The following TBC1D8 variants were observed in gnomAD, a reference collection of about 807,000 sequenced individuals.
TBC1D8 encodes the protein TBC1 domain family member 8.
TBC1D8 carries 65 observed loss-of-function variants against 118.8 expected under a neutral mutation model. That is an observed-to-expected ratio of 0.55 (90% CI 0.45 to 0.67). TBC1D8 has a LOEUF of 0.67. Among genes scored for constraint, TBC1D8 ranks in the 30% least tolerant of loss-of-function variants. The pLI is 0.00. For missense variants in TBC1D8, 1,376 were observed against 1,471.2 expected (o/e 0.94, Z 1.06); for synonymous variants, 566 against 595.8 (o/e 0.95, Z 0.73).
At chr2:101,118,445 C>G (rs1052749512) in intron 1 of TBC1D8, among the ~76,000 whole-genome samples, 1 of 152,120 alleles carries the variant, frequency 6.6e-6, no homozygotes, top group Non-Finnish European at 1.5e-5. Flanking sequence ...GCCTGTAATC[C>G]CAGCACTTTG....
chr2:101,115,263 C>T (rs1479247859), intron 1 of TBC1D8, among the ~76,000 whole-genome samples: 3 of 152,104 alleles, frequency 2.0e-5, no homozygotes, highest in Admixed American at 6.6e-5. Context: ...GAAGAACAGA[C>T]GTGGAGCCAG....
intron 1 of TBC1D8, among the ~76,000 whole-genome samples, chr2:101,096,928 T>C (rs2105464918): frequency 6.6e-6 from 1 of 152,106 alleles, no homozygotes; most frequent in East Asian, 1.9e-4. Context: ...GAAGCGATAA[T>C]GGTCAGGGAT....
At position 101,110,073 on chromosome 2, in the gene TBC1D8, T is replaced by G. The variant is rs528506047; in HGVS notation, c.128-19709A>C. ...AGGCTCTTAGAATAACAACTCTGGC[T>G]GAGATAGATGTCAAGTGACAAGTTT... On this transcript the variant is annotated intron_variant, in intron 1 of 19. Coordinates refer to ENST00000409318, the MANE Select transcript of TBC1D8 (RefSeq NM_001330348.2). The G allele has an allele frequency of 1.6e-5, 15 of 948,712 alleles. No individual in the cohort carries two copies. In the East Asian group the frequency reaches 1.7e-3, roughly 110 times the overall value. 58.8% of individuals were successfully genotyped at this position (948,712 alleles called of 1,614,324 possible).
chr2:101,070,715 C>A (rs1485478643), intron 2 of TBC1D8, among the ~76,000 whole-genome samples: 2 of 152,068 alleles, frequency 1.3e-5, no homozygotes, highest in African/African-American at 2.4e-5. Flanking sequence ...GCCCAGCCAA[C>A]AAATCTGATT....
chr2:101,090,151 G>A (rs897779208), intron 2 of TBC1D8, 58 bp downstream of exon 2: 1 of 1,548,596 alleles, frequency 6.5e-7, no homozygotes, highest in Admixed American at 2.0e-5. Context: ...CCAACATGCA[G>A]ATACTCAGCA....
chr2:101,035,939 C>T, intron 9 of TBC1D8, 79 bp downstream of exon 9: 1 of 1,517,638 alleles, frequency 6.6e-7, no homozygotes, highest in East Asian at 2.3e-5. Context: ...CACATAAACA[C>T]ACGCGCTGCT....
chr2:101,127,556 G>T (rs1678406809), intron 1 of TBC1D8, among the ~76,000 whole-genome samples: 1 of 151,930 alleles, frequency 6.6e-6, no homozygotes, highest in African/African-American at 2.4e-5. Flanking sequence ...CACTTTTTTT[G>T]AGACAGGGTA....
intron 1 of TBC1D8, among the ~76,000 whole-genome samples, chr2:101,150,502 G>T (rs1679509653): frequency 6.6e-6 from 1 of 152,148 alleles, no homozygotes; most frequent in South Asian, 2.1e-4. Flanking sequence ...TACGAGCCTG[G>T]GTTTTTTTTC....
intron 17 of TBC1D8, among the ~76,000 whole-genome samples, chr2:101,020,020 C>T (rs1189821631): frequency 6.6e-6 from 1 of 151,032 alleles, no homozygotes; most frequent in East Asian, 1.9e-4. Flanking sequence ...TTGCAGTGAG[C>T]CGAGATTGCG....
At chr2:101,024,106 A>C (rs1414171553) in intron 15 of TBC1D8, 1 of 152,300 alleles carries the variant, frequency 6.6e-6, no homozygotes, top group Non-Finnish European at 1.5e-5. Context: ...ATGCAGAAGA[A>C]AATGGTTGTA....
intron 1 of TBC1D8, among the ~76,000 whole-genome samples, chr2:101,119,227 T>C (rs1292485585): frequency 6.6e-6 from 1 of 152,166 alleles, no homozygotes; most frequent in Non-Finnish European, 1.5e-5. Flanking sequence ...TGCCAGTAGC[T>C]ATTCCACATA....
chr2:101,143,208 G>A (rs1214224102), intron 1 of TBC1D8, among the ~76,000 whole-genome samples: 2 of 151,500 alleles, frequency 1.3e-5, no homozygotes, highest in African/African-American at 4.9e-5. Flanking sequence ...GATTACAGGT[G>A]CCCGCCACCA....
At chr2:101,118,678 C>T (rs1677958795) in intron 1 of TBC1D8, among the ~76,000 whole-genome samples, 1 of 119,740 alleles carries the variant, frequency 8.4e-6, no homozygotes, top group African/African-American at 3.3e-5. Flanking sequence ...GTCTGGGCGA[C>T]AGAATGAAAC....
At chr2:101,056,666 G>C (rs564893900) in intron 3 of TBC1D8, among the ~76,000 whole-genome samples, 2 of 152,048 alleles carry the variant, frequency 1.3e-5, no homozygotes, top group Non-Finnish European at 2.9e-5. Context: ...AATATATAAT[G>C]AGTGCTGAGC....
intron 15 of TBC1D8, 39 bp from the exon 16 acceptor site, chr2:101,022,560 T>C (rs754543352): frequency 2.5e-5 from 40 of 1,572,608 alleles, no homozygotes; most frequent in South Asian, 1.8e-4. Context: ...TTACCACTTA[T>C]TGAACAAGCC....
intron 17 of TBC1D8, among the ~76,000 whole-genome samples, chr2:101,015,132 C>T (rs1679523893): frequency 6.6e-6 from 1 of 152,170 alleles, no homozygotes; most frequent in African/African-American, 2.4e-5. Flanking sequence ...AGGCTACAAA[C>T]CTGTACAGCA....
chr2:101,122,232 C>T lies in TBC1D8; in HGVS notation c.127+28895G>A, dbSNP rs559577123. 1.2e-3 allele frequency among the ~76,000 whole-genome samples: 175 copies of T among 151,166 alleles called. 1 individual carries two copies. The highest frequency in any genetic ancestry group is 4.1e-3 in the African/African-American group (169 of 41,384). On this transcript the variant is annotated intron_variant, in intron 1 of 19. Transcript: ENST00000409318. ...GACTACAGGTGTGCGCCACCATACC[C>T]AGCTAATTTTTGTATTTTTTAGTAG...
At chr2:101,079,494 C>A (rs1675104750) in intron 2 of TBC1D8, among the ~76,000 whole-genome samples, 1 of 152,080 alleles carries the variant, frequency 6.6e-6, no homozygotes, top group African/African-American at 2.4e-5. Flanking sequence ...CCCGCCTTAG[C>A]CTCTTGAGTA....
intron 1 of TBC1D8, among the ~76,000 whole-genome samples, chr2:101,101,886 A>G (rs1029339164): frequency 6.6e-6 from 1 of 151,728 alleles, no homozygotes; most frequent in African/African-American, 2.4e-5. Context: ...CACACACCAG[A>G]GCCTGTTGGG....
Sources: gnomAD v4.1 joint callset for allele counts (sites outside exome capture counted in the v4.1 genomes callset) on GRCh38, gnomAD v4.1.1 for gene constraint, MANE v1.5 for transcripts, NCBI Gene and HGNC (gene_info 2026-07-23, HGNC 2026-07-21) for gene names.